The following RALGAPB variants were observed in gnomAD, a reference collection of about 807,000 sequenced individuals.
RALGAPB encodes Ral GTPase activating protein non-catalytic subunit beta.
Under a neutral mutation model 161.1 loss-of-function variants are expected in RALGAPB, and 25 were observed. The observed-to-expected ratio is 0.16, with a 90% CI of 0.11 to 0.22. RALGAPB has a LOEUF of 0.22. Ranked by LOEUF, RALGAPB falls within the 10% of genes least tolerant of loss-of-function variation. RALGAPB has a pLI of 1.00. For synonymous variants in RALGAPB, 629 were observed against 626.1 expected, an observed-to-expected ratio of 1.00 and a Z score of -0.07; for missense variants, 1,391 against 1,815.2, an observed-to-expected ratio of 0.77 and a Z score of 4.25.
chr20:38,475,646 G>A (rs1038860852), intron 1 of RALGAPB, among the ~76,000 whole-genome samples: 36 of 139,822 alleles, frequency 2.6e-4, no homozygotes, highest in African/African-American at 1.1e-4. Flanking sequence ...ATGCAGTCTC[G>A]CTCTGTCCCC....
intron 16 of RALGAPB, among the ~76,000 whole-genome samples, chr20:38,539,308 GC>G (rs1290052668): frequency 2.6e-5 from 4 of 152,264 alleles, no homozygotes; most frequent in Non-Finnish European, 5.9e-5. Flanking sequence ...AGATACATCC[GC>G]TGTCGATTGT....
intron 22 of RALGAPB, among the ~76,000 whole-genome samples, chr20:38,555,179 G>A (rs1359523255): frequency 6.6e-6 from 1 of 152,164 alleles, no homozygotes; most frequent in Non-Finnish European, 1.5e-5. Context: ...GTCTGGAGGT[G>A]GACTTGGAAT....
At chr20:38,497,332 A>G in intron 3 of RALGAPB, 21 bp from the exon 4 acceptor site, 1 of 1,609,958 alleles carries the variant, frequency 6.2e-7, no homozygotes, top group East Asian at 2.2e-5. Context: ...CTTGTCAGTG[A>G]TATCTGTCTG....
At chr20:38,573,095 TA>T (rs1325519094) in intron 28 of RALGAPB, among the ~76,000 whole-genome samples, 285 of 151,704 alleles carry the variant, frequency 1.9e-3, no homozygotes, top group African/African-American at 6.6e-3. Flanking sequence ...TTTTTTAATT[TA>T]AAAAAACAAA....
intron 20 of RALGAPB, among the ~76,000 whole-genome samples, chr20:38,549,545 AAAAAAT>A (rs1417086865): frequency 1.6e-5 from 2 of 121,914 alleles, no homozygotes; most frequent in African/African-American, 2.8e-5. Context: ...AAAAAAAAAA[AAAAAAT>A]ATATATATAT....
At position 38,517,980 on chromosome 20, in the gene RALGAPB, A is replaced by T. The variant is rs1356273388; in HGVS notation, c.1397A>T (p.Asn466Ile). 1.9e-6 allele frequency: 3 copies of T among 1,608,952 alleles called. No homozygotes were observed. The South Asian group carries it at 3.3e-5, about 18-fold the overall frequency. Reference protein sequence around the residue: ...FVHCKLHNGINRDSSMTAITT... With the variant: ...FVHCKLHNGIIRDSSMTAITT... ...CACTGTAAACTTCATAATGGGATAAACAGAGACAGCAGCATGACTGGTAAA... is the reference window on the plus strand; with the variant it reads ...CACTGTAAACTTCATAATGGGATAATCAGAGACAGCAGCATGACTGGTAAA... Residue 466 changes from asparagine to isoleucine, a missense_variant, in exon 9 of 30, where the codon AAC becomes ATC. Coordinates refer to ENST00000262879, the MANE Select transcript of RALGAPB (RefSeq NM_020336.4).
chr20:38,540,891 T>TTC, intron 17 of RALGAPB, 150 bp from the exon 18 acceptor site: 1 of 716,282 alleles, frequency 1.4e-6, no homozygotes, highest in Non-Finnish European at 2.2e-6. Flanking sequence ...ATTATATTAC[T>TTC]ATGAAGTTAA....
At chr20:38,544,828 C>A (rs1295424703) in intron 18 of RALGAPB, among the ~76,000 whole-genome samples, 1 of 152,170 alleles carries the variant, frequency 6.6e-6, no homozygotes, top group Non-Finnish European at 1.5e-5. Flanking sequence ...ACTACATTTT[C>A]ATTAAAATGT....
At position 38,539,998 on chromosome 20, in the gene RALGAPB, A is replaced by G. The variant is rs780074008; in HGVS notation, c.2562+40A>G. ...TTTTAAACCATTAAGTAAAAACAAA[A>G]ATGTATGCTAGCAAAATGCCTTTTG... On this transcript the variant is annotated intron_variant, in intron 17 of 29. Transcript: ENST00000262879. 3.5e-5 allele frequency: 54 copies of G among 1,552,314 alleles called. No individual in the cohort carries two copies. The Middle Eastern group carries it at 5.1e-4, about 15-fold the overall frequency.
intron 14 of RALGAPB, 40 bp from the exon 15 acceptor site, chr20:38,532,690 T>G (rs1193301677): frequency 6.2e-7 from 1 of 1,605,460 alleles, no homozygotes; most frequent in Non-Finnish European, 8.5e-7. Flanking sequence ...GCTTGTAAAC[T>G]GTGATGTAAT....
At chr20:38,517,479 T>G (rs1475709401) in intron 7 of RALGAPB, 27 bp from the exon 8 acceptor site, 83 of 1,534,526 alleles carry the variant, frequency 5.4e-5, no homozygotes, top group Non-Finnish European at 6.7e-5. Flanking sequence ...GAAGAATAAT[T>G]TCATTTGTCT....
chr20:38,527,931 C>A (rs2086520941), intron 13 of RALGAPB, among the ~76,000 whole-genome samples: 2 of 152,156 alleles, frequency 1.3e-5, no homozygotes, highest in Admixed American at 1.3e-4. Flanking sequence ...GGATGAGAAG[C>A]AGTGTGTTAG....
intron 28 of RALGAPB, 70 bp from the exon 29 acceptor site, chr20:38,574,080 A>T: frequency 6.9e-7 from 1 of 1,456,516 alleles, no homozygotes; most frequent in Non-Finnish European, 9.3e-7. Context: ...TATGTGGGGG[A>T]CTTCAACTCT....
chr20:38,517,889 C>G lies in RALGAPB; in HGVS notation c.1306C>G (p.Arg436Gly). The change falls in exon 9 of 30, where the codon CGG (arginine) becomes GGG (glycine). Residue 436 changes from arginine (R) to glycine (G), a missense_variant. Around this residue, in one of 3 missense-constraint regions of RALGAPB, gnomAD observed 946 missense variants for 1,257.2 expected, o/e 0.75. Coordinates refer to ENST00000262879, the MANE Select transcript of RALGAPB (RefSeq NM_020336.4). Reference sequence around the variant, plus strand: ...AGAACCCCGGCCACTGCCTGCCCCTCGGAGACCAAAGGTTAACAGCATCTT... The same window carrying G: ...AGAACCCCGGCCACTGCCTGCCCCTGGGAGACCAAAGGTTAACAGCATCTT... ...SSEPRPLPAP[R>G]RPKVNSILNL... 1.4e-5 allele frequency: 23 copies of G among 1,613,846 alleles called. No homozygotes were observed. The highest frequency in any genetic ancestry group is 1.9e-5 in the Non-Finnish European group (22 of 1,179,748).
rs764759798 is a variant in RALGAPB, at chr20:38,541,037, T to C, written c.2563-4T>C. ...AAAAATTGATCTGCCTTTCCTGCTT[T>C]TAGGACTGCCTTAAGGAAGTACTGG... On this transcript the variant is annotated splice_region_variant and splice_polypyrimidine_tract_variant and intron_variant, in intron 17 of 29. Transcript: ENST00000262879. 4 of 1,613,158 alleles carry C rather than the reference T, an allele frequency of 2.5e-6. No individual in the cohort carries two copies. Among genetic ancestry groups the C allele is most frequent in the South Asian group, 1.1e-5 (1 of 90,980 alleles).
At chr20:38,505,956 C>T (rs770796012) in intron 5 of RALGAPB, among the ~76,000 whole-genome samples, 4 of 152,192 alleles carry the variant, frequency 2.6e-5, no homozygotes, top group Non-Finnish European at 5.9e-5. Context: ...AATTGACCCT[C>T]TGTGGGTTCT....
At chr20:38,541,224 A>C (rs373661922) in intron 18 of RALGAPB, 32 bp downstream of exon 18, 1 of 1,608,810 alleles carries the variant, frequency 6.2e-7, no homozygotes, top group South Asian at 1.1e-5. Flanking sequence ...GATTGTGCCT[A>C]GGAATTAGAT....
In RALGAPB at chr20:38,517,957, C is replaced by A. The variant is rs752343771; in HGVS notation, c.1374C>A (p.His458Gln). The A allele has an allele frequency of 7.4e-6, 12 of 1,613,648 alleles. No homozygotes were observed. The East Asian group carries it at 2.5e-4, about 33-fold the overall frequency. The change falls in exon 9 of 30, where the codon CAC (histidine) becomes CAA (glutamine). Residue 458 changes from histidine to glutamine, a missense_variant. Coordinates refer to ENST00000262879, the MANE Select transcript of RALGAPB (RefSeq NM_020336.4). Reference protein sequence around the residue: ...GSWLFDAAFVHCKLHNGINRD... With the variant: ...GSWLFDAAFVQCKLHNGINRD... ...GGTTATTTGATGCAGCATTTGTTCA[C>A]TGTAAACTTCATAATGGGATAAACA...
intron 10 of RALGAPB, among the ~76,000 whole-genome samples, chr20:38,524,047 A>G (rs1417153313): frequency 6.6e-6 from 1 of 152,210 alleles, no homozygotes; most frequent in African/African-American, 2.4e-5. Context: ...GTTTCTGAAG[A>G]GTTTTGCAGA....
Sources: gnomAD v4.1 joint callset for allele counts (sites outside exome capture counted in the v4.1 genomes callset) on GRCh38, gnomAD v4.1.1 for gene constraint, gnomAD v4.1.1 regional missense constraint, MANE v1.5 for transcripts, NCBI Gene and HGNC (gene_info 2026-07-23, HGNC 2026-07-21) for gene names.